CELSR2: variants seen among roughly 807,000 people sequenced by gnomAD.
The protein encoded by CELSR2 is EGF-like protein 2.
Under a neutral mutation model 251.6 loss-of-function variants are expected in CELSR2, and 81 were observed. The ratio of observed to expected loss-of-function variants is 0.32; its 90% CI spans 0.27 to 0.39. CELSR2 has a LOEUF of 0.39. CELSR2 is among the 10% of genes least tolerant of loss of function. The pLI is 1.00. For missense variants in CELSR2, 3,365 were observed against 3,947.7 expected (o/e 0.85, Z 3.96); for synonymous variants, 1,721 against 1,670.5 (o/e 1.03, Z -0.74).
Position 109,252,655 on chromosome 1 carries a change from A to G in CELSR2, c.2576A>G (p.Asp859Gly), listed in dbSNP as rs1439521228. Residue 859 changes from aspartate (D) to glycine (G), a missense_variant, in exon 1 of 34, where the codon GAT becomes GGT. By Grantham distance (94) the Asp-to-Gly change is moderately conservative. This residue lies in a region of CELSR2 where 505 missense variants were observed against 660.0 expected (regional missense o/e 0.77). Coordinates refer to ENST00000271332, the MANE Select transcript of CELSR2 (RefSeq NM_001408.3). The surrounding 1 kb of genome is among the most constrained non-coding windows in gnomAD (Gnocchi z 4.8). ...TTCTACACCTTCCAAGGAGGCGACGATGGAGACGGTGACTTTATTGTTGAG... is the reference window on the plus strand; with the variant it reads ...TTCTACACCTTCCAAGGAGGCGACGGTGGAGACGGTGACTTTATTGTTGAG... ...RVFYTFQGGD[D>G]GDGDFIVEST... 8 of 1,613,766 alleles carry G rather than the reference A, an allele frequency of 5.0e-6. No homozygotes were observed. The Admixed American group carries it at 1.3e-4, about 27-fold the overall frequency.
In CELSR2 at chr1:109,271,407, C is replaced by T. The variant is rs367633301; in HGVS notation, c.7698C>T (p.Phe2566=). ...KGPVSGLQPS[F]AVLLLLSATW... Reference sequence around the variant, plus strand: ...CCAGCTCGGGCCTGCAGCCCTCCTTCGCCGTCCTCCTGCTGCTGAGCGCCA... The same window carrying T: ...CCAGCTCGGGCCTGCAGCCCTCCTTTGCCGTCCTCCTGCTGCTGAGCGCCA... Residue 2566 remains phenylalanine (F), a synonymous_variant, in exon 27 of 34, where the codon TTC becomes TTT. Transcript: ENST00000271332. The T allele has an allele frequency of 2.9e-5, 46 of 1,613,094 alleles. No homozygotes were observed. The Middle Eastern group carries it at 9.9e-4, about 35-fold the overall frequency.
chr1:109,253,762 C>T (rs538336856), intron 1 of CELSR2, among the ~76,000 whole-genome samples: 64 of 152,252 alleles, frequency 4.2e-4, no homozygotes, highest in Admixed American at 7.8e-4. Context: ...AGGACTGTGG[C>T]GCAGGAGAGG....
In CELSR2 at chr1:109,252,000, A is replaced by G; in HGVS notation, c.1921A>G (p.Ser641Gly). Reference protein sequence around the residue: ...TVSAVDRDAHSVITYQITSGN... With the variant: ...TVSAVDRDAHGVITYQITSGN... ...GTCAGCTGTGGACCGTGATGCTCAT[A>G]GTGTCATCACCTACCAGATCACCAG... Residue 641 changes from serine to glycine, a missense_variant, in exon 1 of 34, where the codon AGT (serine) becomes GGT (glycine). Physicochemically the swap from Ser to Gly is moderately conservative, Grantham distance 56. Around this residue, in one of 5 missense-constraint regions of CELSR2, gnomAD observed 60 missense variants for 104.8 expected, o/e 0.57. Coordinates refer to ENST00000271332, the MANE Select transcript of CELSR2 (RefSeq NM_001408.3). The surrounding 1 kb of genome is among the most constrained non-coding windows in gnomAD (Gnocchi z 4.9). 6.2e-7 allele frequency: 1 copy of G among 1,614,070 alleles called. No individual in the cohort carries two copies. Among genetic ancestry groups the G allele is most frequent in the South Asian group, 1.1e-5 (1 of 91,078 alleles).
chr1:109,266,621 C>T (rs1441465207), intron 15 of CELSR2, among the ~76,000 whole-genome samples: 2 of 143,254 alleles, frequency 1.4e-5, no homozygotes, highest in Admixed American at 7.1e-5. Flanking sequence ...CCATGTTGGC[C>T]AGTCTGGTCT....
In CELSR2 at chr1:109,251,004, C is replaced by T. The variant is rs1655670106; in HGVS notation, c.925C>T (p.Leu309Phe). ...GAACCTGGAGGTTGGCTATGAGGTG[C>T]TCACTGTCAGGGCCACGGATGGTGA... Reference protein sequence around the residue: ...RENLEVGYEVLTVRATDGDAP... With the variant: ...RENLEVGYEVFTVRATDGDAP... Residue 309 changes from leucine (L) to phenylalanine (F), a missense_variant, in exon 1 of 34, where the codon CTC (leucine) becomes TTC (phenylalanine). Coordinates refer to ENST00000271332, the MANE Select transcript of CELSR2 (RefSeq NM_001408.3). This position sits in a 1 kb window ranked among gnomAD's most constrained non-coding sequence, Gnocchi z 4.9. 11 of 1,613,380 alleles carry T rather than the reference C, an allele frequency of 6.8e-6. No homozygotes were observed. Among genetic ancestry groups the T allele is most frequent in the East Asian group, 2.2e-5 (1 of 44,884 alleles).
intron 13 of CELSR2, among the ~76,000 whole-genome samples, 188 bp downstream of exon 13, chr1:109,265,499 T>G (rs1283150003): frequency 6.6e-6 from 1 of 152,218 alleles, no homozygotes; most frequent in African/African-American, 2.4e-5. Context: ...CCTGGGCCAA[T>G]GTGTAACCCA....
Position 109,250,025 on chromosome 1 carries a change from C to T in CELSR2, c.-55C>T. 2.3e-6 allele frequency: 3 copies of T among 1,277,530 alleles called. No homozygotes were observed. The highest frequency in any genetic ancestry group is 2.0e-6 in the Non-Finnish European group (2 of 1,018,872). The allele number at this position is 1,277,530 out of a possible 1,614,324, so 79.1% of individuals were successfully genotyped here. ...GAGGCGCGGCGGGGCCGGCAGGAGC[C>T]GGAGGAGGAGCCGCCGCCGCCGTTG... On this transcript the variant is annotated 5_prime_UTR_variant, in exon 1 of 34. Coordinates refer to ENST00000271332, the MANE Select transcript of CELSR2 (RefSeq NM_001408.3). The surrounding 1 kb of genome is among the most constrained non-coding windows in gnomAD (Gnocchi z 4.4).
rs190865340 is a variant in CELSR2 at position 109,274,382 on chromosome 1, C to T, written c.*333C>T. ...ACTTCAGGGATTCATTTTTTTTATA[C>T]GCTGGAAATTGACTCCCCTTTCCCT... On this transcript the variant is annotated 3_prime_UTR_variant, in exon 34 of 34. Transcript: ENST00000271332. The T allele has an allele frequency of 1.2e-4, 49 of 408,038 alleles. No individual in the cohort carries two copies. The highest frequency in any genetic ancestry group is 1.3e-3 in the Middle Eastern group (2 of 1,488). The allele number at this position is 408,038 out of a possible 1,614,324, so 25.3% of individuals were successfully genotyped here.
At position 109,274,318 on chromosome 1, in the gene CELSR2, G is replaced by A. The variant is rs758611733; in HGVS notation, c.*269G>A. On this transcript the variant is annotated 3_prime_UTR_variant, in exon 34 of 34. Coordinates refer to ENST00000271332, the MANE Select transcript of CELSR2 (RefSeq NM_001408.3). ...CCAAGACAAAGTTTTTCAGAAAAGA[G>A]GAAAAAAAGAATTTAAAAAAGGATC... 4 of 666,930 alleles carry A rather than the reference G, an allele frequency of 6.0e-6. No individual in the cohort carries two copies. The highest frequency in any genetic ancestry group is 3.0e-5 in the South Asian group (1 of 33,766). 41.3% of individuals were successfully genotyped at this position (666,930 alleles called of 1,614,324 possible). A position where few individuals can be genotyped will look rare whatever the true frequency, so the allele number is the denominator to read the frequency against.
At chr1:109,263,801 C>T (rs760025249) in intron 9 of CELSR2, 24 bp downstream of exon 9, 20 of 1,607,706 alleles carry the variant, frequency 1.2e-5, no homozygotes, top group Admixed American at 5.0e-5. Flanking sequence ...GGGCGGCTGG[C>T]CCTGGCCTGG....
Position 109,272,928 on chromosome 1 carries a change from G to A in CELSR2, c.8239G>A (p.Glu2747Lys), listed in dbSNP as rs1438047930. The stretch of plus-strand genomic sequence containing the variant: ...CTCATCAGACAGTGAGGAGGAAGAA[G>A]AGGAGGAGGAAGAGGAGGCCGCCTT... ...THSSDSEEEE[E>K]EEEEEAAFPG... Residue 2747 changes from glutamate to lysine, a missense_variant, in exon 31 of 34, where the codon GAG becomes AAG. Physicochemically the swap from Glu to Lys is moderately conservative, Grantham distance 56. Transcript: ENST00000271332. The A allele has an allele frequency of 6.2e-7, 1 of 1,613,948 alleles. No homozygotes were observed. Among genetic ancestry groups the A allele is most frequent in the African/African-American group, 1.3e-5 (1 of 74,932 alleles).
intron 6 of CELSR2, 44 bp downstream of exon 6, chr1:109,262,488 G>A (rs1570784404): frequency 1.9e-6 from 3 of 1,600,596 alleles, no homozygotes; most frequent in Non-Finnish European, 2.6e-6. Context: ...GTGAGGGCAG[G>A]GCCAGGCAGG....
chr1:109,250,927 A>G lies in CELSR2; in HGVS notation c.848A>G (p.Asn283Ser). 2 of 1,613,824 alleles carry G rather than the reference A, an allele frequency of 1.2e-6. No homozygotes were observed. Among genetic ancestry groups the G allele is most frequent in the South Asian group, 1.1e-5 (1 of 91,086 alleles). ...ATLTILVTDT[N>S]DHDPVFEQQE... Reference sequence around the variant, plus strand: ...CTCACCATCTTGGTTACTGACACCAATGACCATGACCCTGTGTTCGAGCAG... The same window carrying G: ...CTCACCATCTTGGTTACTGACACCAGTGACCATGACCCTGTGTTCGAGCAG... Residue 283 changes from asparagine to serine, a missense_variant, in exon 1 of 34, where the codon AAT becomes AGT. Asn to Ser is a conservative substitution (Grantham distance 46). This residue lies in a region of CELSR2 where 704 missense variants were observed against 784.1 expected (regional missense o/e 0.90). Transcript: ENST00000271332. The surrounding 1 kb of genome is among the most constrained non-coding windows in gnomAD (Gnocchi z 4.4).
In CELSR2 at chr1:109,270,127, C is replaced by T. The variant is rs1450404596; in HGVS notation, c.7302C>T (p.Asp2434=). 2 of 1,613,756 alleles carry T rather than the reference C, an allele frequency of 1.2e-6. No homozygotes were observed. The highest frequency in any genetic ancestry group is 1.1e-5 in the South Asian group (1 of 91,086). Residue 2434 remains aspartate, a synonymous_variant, in exon 23 of 34, where the codon GAC becomes GAT. Coordinates refer to ENST00000271332, the MANE Select transcript of CELSR2 (RefSeq NM_001408.3). ...LVFLLGINQA[D]LPFACTVIAI... ...TCCTCCTGGGAATCAACCAGGCTGA[C>T]CTCCCTGTAAGATGCTCCTACTGCC...
Position 109,274,795 on chromosome 1 carries a change from C to G in CELSR2, c.*746C>G, listed in dbSNP as rs1288892758. On this transcript the variant is annotated 3_prime_UTR_variant, in exon 34 of 34. Transcript: ENST00000271332. ...CCAGCCCCTCTCCTTTTCCTGGACT[C>G]TGGCCGTGCGCGGCAGCCCAGGTGT... 6.5e-6 allele frequency: 1 copy of G among 152,734 alleles called. No individual in the cohort carries two copies. The highest frequency in any genetic ancestry group is 2.4e-5 in the African/African-American group (1 of 41,462). The allele number at this position is 152,734 out of a possible 1,614,324, so 9.5% of individuals were successfully genotyped here.
rs1481358429 is a variant in CELSR2 at position 109,261,430 on chromosome 1, TC to T, written c.4182-79del. The T allele has an allele frequency of 7.1e-7, 1 of 1,409,614 alleles. No homozygotes were observed. Among genetic ancestry groups the T allele is most frequent in the Non-Finnish European group, 1.0e-6 (1 of 996,278 alleles). 87.3% of individuals were successfully genotyped at this position (1,409,614 alleles called of 1,614,324 possible). A position where few individuals can be genotyped will look rare whatever the true frequency, so the allele number is the denominator to read the frequency against. Reference sequence around the variant, plus strand: ...CTGTGGTTCTGCCAGCAGATCTCCCTCCCCTGCGCTGGTTAGGTGGCGGGGG... The same window carrying T: ...CTGTGGTTCTGCCAGCAGATCTCCCTCCCTGCGCTGGTTAGGTGGCGGGGG... On this transcript the variant is annotated intron_variant, in intron 3 of 33. Transcript: ENST00000271332. This position sits in a 1 kb window ranked among gnomAD's most constrained non-coding sequence, Gnocchi z 4.8.
Position 109,264,283 on chromosome 1 carries a change from G to T in CELSR2, c.5207G>T (p.Gly1736Val). The change falls in exon 10 of 34, where the codon GGT (glycine) becomes GTT (valine). Residue 1736 changes from glycine to valine, a missense_variant. Gly to Val is a moderately radical substitution (Grantham distance 109). This residue lies in a region of CELSR2 where 2,093 missense variants were observed against 2,382.8 expected (regional missense o/e 0.88). Transcript: ENST00000271332. ...AEGNLGPRLH[G>V]LHLSNITVGG... is the part of the protein sequence containing the mutation. ...GGCAACCTGGGCCCCCGGCTGCATG[G>T]TCTGCACCTGAGCAACATAACAGTG... 6.2e-7 allele frequency: 1 copy of T among 1,613,984 alleles called. No individual in the cohort carries two copies. The highest frequency in any genetic ancestry group is 1.1e-5 in the South Asian group (1 of 91,084).
intron 7 of CELSR2, 31 bp from the exon 8 acceptor site, chr1:109,263,111 G>T: frequency 6.3e-7 from 1 of 1,587,164 alleles, no homozygotes; most frequent in South Asian, 1.1e-5. Context: ...CCCCAGCTCA[G>T]GTCCACTGAG....
chr1:109,259,073 T>G lies in CELSR2; in HGVS notation c.3952T>G (p.Tyr1318Asp). ...GGYTCLCRDGYTGEHCEVSAR... is the reference protein window; with the variant it reads ...GGYTCLCRDGDTGEHCEVSAR... ...CTACACCTGCCTCTGTCGTGATGGC[T>G]ACACGGGTGAGCCAAGGGAGGGGAC... is the stretch of plus-strand genomic sequence containing the variant. Residue 1318 changes from tyrosine to aspartate, a missense_variant, in exon 2 of 34, where the codon TAC becomes GAC. Around this residue, in one of 5 missense-constraint regions of CELSR2, gnomAD observed 2,093 missense variants for 2,382.8 expected, o/e 0.88. Transcript: ENST00000271332. The G allele has an allele frequency of 6.3e-7, 1 of 1,578,832 alleles. No homozygotes were observed. The highest frequency in any genetic ancestry group is 8.6e-7 in the Non-Finnish European group (1 of 1,166,902).
Sources: gnomAD v4.1 joint callset for allele counts (sites outside exome capture counted in the v4.1 genomes callset) on GRCh38, gnomAD v4.1.1 for gene constraint, gnomAD v4.1.1 regional missense constraint, Gnocchi (gnomAD v3.1) non-coding constraint, MANE v1.5 for transcripts, NCBI Gene and HGNC (gene_info 2026-07-23, HGNC 2026-07-21) for gene names.